RP1: variants seen among roughly 807,000 people sequenced by gnomAD.
RP1 encodes RP1 axonemal microtubule associated, also known as oxygen-regulated protein 1.
RP1 carries 16 observed loss-of-function variants against 14.8 expected under a neutral mutation model. The observed-to-expected ratio is 1.08, with a 90% confidence interval of 0.73 to 1.65. RP1 has a LOEUF of 1.65. Ranked by LOEUF, RP1 falls within the 40% of genes most tolerant of loss-of-function variation. The pLI, the probability that RP1 is intolerant of heterozygous loss-of-function variation, is 0.00. For synonymous variants in RP1, 876 were observed against 883.6 expected, an observed-to-expected ratio of 0.99 and a Z score of 0.15; for missense variants, 2,631 against 2,535.0, an observed-to-expected ratio of 1.04 and a Z score of -0.81.
chr8:54,706,714 A>G, intron 15 of RP1: 2 of 1,493,128 alleles, frequency 1.3e-6, no homozygotes, highest in South Asian at 1.2e-5. Context: ...AGTTGTAGAC[A>G]TGAGAATAGC....
At chr8:54,726,450 G>T in exon 17 of RP1, 1 of 1,534,600 alleles carries the variant, frequency 6.5e-7, no homozygotes, top group Non-Finnish European at 8.7e-7. Context: ...TCTGAGGCTA[G>T]GAGTCCCTTA....
intron 4 of RP1, among the ~76,000 whole-genome samples, chr8:54,649,675 G>C (rs1472511421): frequency 1.3e-5 from 2 of 152,202 alleles, no homozygotes; most frequent in Non-Finnish European, 2.9e-5. Context: ...CTTGAAGTGG[G>C]TCAAGCACCT....
At chr8:54,652,763 C>T in intron 4 of RP1, 9 of 1,518,250 alleles carry the variant, frequency 5.9e-6, no homozygotes, top group Non-Finnish European at 8.0e-6. Context: ...GAAAGTTGTT[C>T]CCTTGGCTCT....
At chr8:54,641,539 A>C (rs1424668514) in intron 3 of RP1, among the ~76,000 whole-genome samples, 3 of 152,134 alleles carry the variant, frequency 2.0e-5, no homozygotes, top group African/African-American at 7.2e-5. Context: ...CCTGCTAATG[A>C]GAGAAATTAA....
At chr8:54,619,536 C>T (rs371743607) in intron 1 of RP1, among the ~76,000 whole-genome samples, 2 of 152,330 alleles carry the variant, frequency 1.3e-5, no homozygotes, top group South Asian at 4.1e-4. Context: ...CCAGATAAAT[C>T]CTTCCACATG....
intron 1 of RP1, among the ~76,000 whole-genome samples, chr8:54,562,766 C>T (rs192556017): frequency 6.6e-6 from 1 of 152,218 alleles, no homozygotes; most frequent in Admixed American, 6.5e-5. Context: ...ATTAATTGAT[C>T]AAAAATCATT....
At chr8:54,781,004 G>A (rs1810172800) in intron 23 of RP1, 1 of 980,576 alleles carries the variant, frequency 1.0e-6, no homozygotes, top group South Asian at 4.7e-5. Flanking sequence ...GGAATATTTG[G>A]AGATCATAGA....
intron 22 of RP1, among the ~76,000 whole-genome samples, chr8:54,761,233 CT>C (rs71554177): frequency 0.056 from 6,155 of 109,006 alleles, 89 homozygotes; most frequent in African/African-American, 0.096. Context: ...CGCTACCTTA[CT>C]TTTTTTTTTT....
chr8:54,864,028 T>A (rs910490783), intron 27 of RP1, among the ~76,000 whole-genome samples: 1 of 152,182 alleles, frequency 6.6e-6, no homozygotes, highest in Non-Finnish European at 1.5e-5. Flanking sequence ...TGAAAGTGTA[T>A]CAAAGAAATG....
intron 17 of RP1, among the ~76,000 whole-genome samples, chr8:54,727,837 A>AAGGAAAT (rs1418414547): frequency 6.6e-6 from 1 of 151,788 alleles, no homozygotes; most frequent in African/African-American, 2.4e-5. Context: ...AATTGAGATG[A>AAGGAAAT]AGGAAATATC....
chr8:54,780,483 T>C (rs1810159556), intron 23 of RP1, among the ~76,000 whole-genome samples: 2 of 152,342 alleles, frequency 1.3e-5, no homozygotes, highest in South Asian at 4.1e-4. Flanking sequence ...TCAACAGATA[T>C]TAATTTAATT....
rs75838050 is a variant in RP1 at position 54,723,753 on chromosome 8, A to C, written c.2390-2592A>C. 8.8e-3 allele frequency among the ~76,000 whole-genome samples: 1,345 copies of C among 152,322 alleles called. 26 individuals carry two copies. Among genetic ancestry groups the C allele is most frequent in the African/African-American group, 0.031 (1,269 of 41,570 alleles). On this transcript the variant is annotated intron_variant, in intron 16 of 22. Coordinates refer to the RP1 transcript ENST00000636932. The stretch of plus-strand genomic sequence containing the variant: ...GACCACACTGCTAGGTATTGTTTTA[A>C]AAAACTGTAGATCAATATAACATGT...
chr8:54,709,654 A>C (rs1808249020), intron 15 of RP1, among the ~76,000 whole-genome samples: 1 of 152,222 alleles, frequency 6.6e-6, no homozygotes, highest in South Asian at 2.1e-4. Context: ...AGAACATTAA[A>C]ATAAGAAATA....
At chr8:54,654,898 T>TG (rs1806724263) in intron 5 of RP1, among the ~76,000 whole-genome samples, 4 of 152,150 alleles carry the variant, frequency 2.6e-5, no homozygotes, top group Admixed American at 2.6e-4. Context: ...CTGCCCACCT[T>TG]GGGCCCACAA....
At chr8:54,752,680 C>T (rs1443284519) in intron 19 of RP1, among the ~76,000 whole-genome samples, 5 of 152,196 alleles carry the variant, frequency 3.3e-5, no homozygotes, top group African/African-American at 9.7e-5. Context: ...AGGGCACGCT[C>T]ATACCCACAC....
At chr8:54,679,884 G>A (rs1210667126) in exon 12 of RP1, 2 of 1,535,998 alleles carry the variant, frequency 1.3e-6, no homozygotes, top group Admixed American at 3.9e-5. Flanking sequence ...TTGTCCGTTT[G>A]CATCCAGATG....
intron 25 of RP1, among the ~76,000 whole-genome samples, chr8:54,838,269 T>G (rs1221902013): frequency 6.6e-6 from 1 of 152,210 alleles, no homozygotes; most frequent in Non-Finnish European, 1.5e-5. Context: ...TACTGAGTAT[T>G]TTTTCTTTTT....
chr8:54,862,567 A>T (rs1563399620), intron 27 of RP1, among the ~76,000 whole-genome samples: 1 of 152,208 alleles, frequency 6.6e-6, no homozygotes, highest in African/African-American at 2.4e-5. Flanking sequence ...ATAGCAGAGT[A>T]TTCCACACAC....
At chr8:54,727,003 G>A (rs1808672307) in intron 17 of RP1, among the ~76,000 whole-genome samples, 2 of 152,006 alleles carry the variant, frequency 1.3e-5, no homozygotes, top group Non-Finnish European at 2.9e-5. Context: ...CAAATTCCGT[G>A]TATCAGAATC....
Sources: gnomAD v4.1 joint callset for allele counts (sites outside exome capture counted in the v4.1 genomes callset) on GRCh38, gnomAD v4.1.1 for gene constraint, MANE v1.5 for transcripts, NCBI Gene and HGNC (gene_info 2026-07-23, HGNC 2026-07-21) for gene names.